Variants in CHMP5 observed in about 807,000 individuals in gnomAD.
CHMP5 encodes the protein charged multivesicular body protein 5.
A neutral mutation model predicts 33.0 loss-of-function variants in CHMP5; 17 were observed. The observed-to-expected ratio is 0.52, with a 90% confidence interval of 0.35 to 0.77. The LOEUF (loss-of-function observed/expected upper bound fraction) is 0.77, where lower values mean the gene tolerates loss of function less well. CHMP5 is among the 30% of genes least tolerant of loss of function. CHMP5 has a pLI of 0.01. For missense variants in CHMP5, 216 were observed against 261.5 expected, an observed-to-expected ratio of 0.83 and a Z score of 1.20; for synonymous variants, 76 against 90.2, an observed-to-expected ratio of 0.84 and a Z score of 0.89.
At chr9:33,268,348 GT>G (rs1157970435) in intron 3 of CHMP5, among the ~76,000 whole-genome samples, 1 of 152,164 alleles carries the variant, frequency 6.6e-6, no homozygotes, top group East Asian at 1.9e-4. Context: ...AATCCTAAAT[GT>G]TTGTTCCCTC....
At chr9:33,278,080 A>G (rs773160760) in intron 6 of CHMP5, 33 bp from the exon 7 acceptor site, 79 of 1,428,840 alleles carry the variant, frequency 5.5e-5, no homozygotes, top group Non-Finnish European at 7.3e-5. Flanking sequence ...TCTTGGTTAC[A>G]TTTTTTTTAA....
chr9:33,269,071 G>T (rs1431001868), intron 3 of CHMP5, among the ~76,000 whole-genome samples: 1 of 152,142 alleles, frequency 6.6e-6, no homozygotes, highest in African/African-American at 2.4e-5. Flanking sequence ...TAGTTAGATT[G>T]TTTCCAATAT....
intron 6 of CHMP5, among the ~76,000 whole-genome samples, chr9:33,276,979 C>T (rs886686977): frequency 6.6e-6 from 1 of 152,016 alleles, no homozygotes; most frequent in African/African-American, 2.4e-5. Flanking sequence ...CGGATCCACT[C>T]AAGCCCAGGA....
chr9:33,274,180 A>T (rs1007951361), intron 5 of CHMP5, among the ~76,000 whole-genome samples: 1 of 151,970 alleles, frequency 6.6e-6, no homozygotes, highest in African/African-American at 2.4e-5. Context: ...GGCTCAAGCC[A>T]TCCTTCTACT....
In CHMP5 at chr9:33,267,884, T is replaced by C. The variant is rs777473897; in HGVS notation, c.206T>C (p.Leu69Ser). The C allele has an allele frequency of 1.9e-6, 3 of 1,611,088 alleles. No homozygotes were observed. Among genetic ancestry groups the C allele is most frequent in the South Asian group, 2.2e-5 (2 of 90,988 alleles). Reference protein sequence around the residue: ...NMVKQKALRVLKQKRMYEQQR... With the variant: ...NMVKQKALRVSKQKRMYEQQR... ...GTCAAGCAGAAAGCCTTGCGAGTTT[T>C]AAAGCAAAAGAGGATGTAAGTTACA... The change falls in exon 3 of 8, where the codon TTA (leucine) becomes TCA (serine). Residue 69 changes from leucine (L) to serine (S), a missense_variant. Coordinates refer to ENST00000223500, the MANE Select transcript of CHMP5 (RefSeq NM_016410.6).
At chr9:33,269,636 C>T (rs1339700524) in intron 3 of CHMP5, among the ~76,000 whole-genome samples, 8 of 152,206 alleles carry the variant, frequency 5.3e-5, no homozygotes, top group Admixed American at 2.6e-4. Flanking sequence ...CTAAGAATTT[C>T]ACTTCTGTAT....
intron 3 of CHMP5, among the ~76,000 whole-genome samples, chr9:33,270,067 A>T (rs1027772323): frequency 1.3e-5 from 2 of 152,256 alleles, no homozygotes; most frequent in Non-Finnish European, 2.9e-5. Flanking sequence ...CATGTGCTGC[A>T]TAACAATGTT....
chr9:33,280,821 G>A lies in CHMP5; in HGVS notation c.622G>A (p.Val208Met). 6.2e-6 allele frequency: 10 copies of A among 1,611,596 alleles called. No individual in the cohort carries two copies. The highest frequency in any genetic ancestry group is 7.6e-6 in the Non-Finnish European group (9 of 1,179,050). ...TTCCTTTTTACAGGATGGAGTTCTG[G>A]TGGATGAATTTGGATTGCCACAGAT... ...TDTKNKDGVL[V>M]DEFGLPQIPA... Residue 208 changes from valine (V) to methionine (M), a missense_variant, in exon 8 of 8, where the codon GTG (valine) becomes ATG (methionine). Coordinates refer to ENST00000223500, the MANE Select transcript of CHMP5 (RefSeq NM_016410.6).
intron 7 of CHMP5, among the ~76,000 whole-genome samples, chr9:33,279,474 C>T (rs1465620386): frequency 6.6e-6 from 1 of 152,094 alleles, no homozygotes; most frequent in African/African-American, 2.4e-5. Context: ...CTGGCAACTT[C>T]AAGGTCCCAG....
rs1820918712 is a variant in CHMP5 at position 33,281,174 on chromosome 9, A to G, written c.*315A>G. On this transcript the variant is annotated 3_prime_UTR_variant, in exon 8 of 8. Transcript: ENST00000223500. ...TAAGGAAATGGAATCTTAAAAGTCT[A>G]TGACAGTGTAACTCTACAGTCTCAA... The G allele has an allele frequency of 2.4e-5, 6 of 255,012 alleles. No individual in the cohort carries two copies. Among genetic ancestry groups the G allele is most frequent in the Non-Finnish European group, 4.5e-5 (6 of 134,702 alleles). 15.8% of individuals were successfully genotyped at this position (255,012 alleles called of 1,614,324 possible). A position where few individuals can be genotyped will look rare whatever the true frequency, so the allele number is the denominator to read the frequency against.
chr9:33,275,297 A>C (rs1255552448), intron 5 of CHMP5, among the ~76,000 whole-genome samples: 1 of 152,182 alleles, frequency 6.6e-6, no homozygotes, highest in East Asian at 1.9e-4. Context: ...GTACCAAGGG[A>C]CAACTGCATT....
chr9:33,267,246 TG>T (rs1259644653), intron 2 of CHMP5, among the ~76,000 whole-genome samples: 2 of 152,136 alleles, frequency 1.3e-5, no homozygotes, highest in African/African-American at 4.8e-5. Flanking sequence ...TAGTGGATGG[TG>T]TGGAATGAAG....
chr9:33,278,155 G>A lies in CHMP5; in HGVS notation c.539G>A (p.Ser180Asn), dbSNP rs770502719. The A allele has an allele frequency of 1.1e-5, 17 of 1,613,316 alleles. No homozygotes were observed. The South Asian group carries it at 1.6e-4, about 16-fold the overall frequency. Residue 180 changes from serine to asparagine, a missense_variant, in exon 7 of 8, where the codon AGT (serine) becomes AAT (asparagine). Physicochemically the swap from Ser to Asn is conservative, Grantham distance 46. Coordinates refer to ENST00000223500, the MANE Select transcript of CHMP5 (RefSeq NM_016410.6). ...LGDELLADED[S>N]SYLDEAASAP... ...GATGAGCTTCTGGCTGATGAAGACA[G>A]TTCTTATTTGGATGAGGCAGCATCT...
At position 33,265,120 on chromosome 9, in the gene CHMP5, G is replaced by T. The variant is rs1251580334; in HGVS notation, c.42G>T (p.Pro14=). 4 of 1,614,026 alleles carry T rather than the reference G, an allele frequency of 2.5e-6. No individual in the cohort carries two copies. In the African/African-American group the frequency reaches 5.3e-5, roughly 22 times the overall value. The part of the protein sequence containing the change: ...LFGKAKPKAP[P]PSLTDCIGTV... ...GGAAAGCGAAACCCAAGGCTCCGCC[G>T]CCCAGCCTGACTGACTGCATTGGCA... Residue 14 remains proline (P), a synonymous_variant, in exon 1 of 8, where the codon CCG becomes CCT. Transcript: ENST00000223500.
Position 33,281,405 on chromosome 9 carries a change from T to A in CHMP5, c.*546T>A, listed in dbSNP as rs1319583099. 6.5e-6 allele frequency: 1 copy of A among 152,724 alleles called. No individual in the cohort carries two copies. Among genetic ancestry groups the A allele is most frequent in the Non-Finnish European group, 1.5e-5 (1 of 68,082 alleles). 9.5% of individuals were successfully genotyped at this position (152,724 alleles called of 1,614,324 possible). Reference sequence around the variant, plus strand: ...CTGTATCATGAGTGGGTATTTTGATTCTATGGTTCCCTCAGTATTACATCT... The same window carrying A: ...CTGTATCATGAGTGGGTATTTTGATACTATGGTTCCCTCAGTATTACATCT... On this transcript the variant is annotated 3_prime_UTR_variant, in exon 8 of 8. Transcript: ENST00000223500.
chr9:33,276,426 G>A (rs1161637183), intron 5 of CHMP5, 30 bp from the exon 6 acceptor site: 8 of 1,271,666 alleles, frequency 6.3e-6, no homozygotes, highest in African/African-American at 1.5e-5. Flanking sequence ...TGGTAAATGA[G>A]AGAAAATCCT....
In CHMP5 at chr9:33,279,582, G is replaced by A. The variant is rs559205381; in HGVS notation, c.610-1227G>A. 2.2e-4 allele frequency among the ~76,000 whole-genome samples: 34 copies of A among 152,164 alleles called. 1 individual carries two copies. In the South Asian group the frequency reaches 3.7e-3, roughly 17 times the overall value. The stretch of plus-strand genomic sequence containing the variant: ...TTTTCTAGTAACAAGTCCCTGTAGC[G>A]GCCAGGCGCGGTGGCTCAAGCCTGT... On this transcript the variant is annotated intron_variant, in intron 7 of 7. Coordinates refer to ENST00000223500, the MANE Select transcript of CHMP5 (RefSeq NM_016410.6).
chr9:33,268,714 T>C (rs1156335981), intron 3 of CHMP5, among the ~76,000 whole-genome samples: 2 of 152,186 alleles, frequency 1.3e-5, no homozygotes, highest in Non-Finnish European at 2.9e-5. Flanking sequence ...TTTTTTGTTA[T>C]AAAAAGAATA....
chr9:33,269,900 G>A (rs537185828), intron 3 of CHMP5, among the ~76,000 whole-genome samples: 244 of 152,222 alleles, frequency 1.6e-3, no homozygotes, highest in South Asian at 7.0e-3. Context: ...TTGAACCCAG[G>A]AAGGTGGAGG....
Sources: allele counts gnomAD v4.1 joint callset (sites outside exome capture counted in the v4.1 genomes callset), GRCh38; gene constraint gnomAD v4.1.1; transcripts MANE v1.5; gene names NCBI Gene and HGNC (gene_info 2026-07-23, HGNC 2026-07-21).